Variants in STAM2 observed in about 807,000 individuals in gnomAD.
STAM2 encodes the protein signal transducing adapter molecule 2.
Under a neutral mutation model 65.6 loss-of-function variants are expected in STAM2, and 51 were observed. The ratio of observed to expected loss-of-function variants is 0.78; its 90% confidence interval spans 0.62 to 0.98. The LOEUF (loss-of-function observed/expected upper bound fraction) is 0.98, where lower values mean the gene tolerates loss of function less well. Among genes scored for constraint, STAM2 ranks in the 50% least tolerant of loss-of-function variants. The pLI is 0.00. For missense variants in STAM2, 584 were observed against 617.8 expected (o/e 0.95, Z 0.58); for synonymous variants, 198 against 208.4 (o/e 0.95, Z 0.43).
At chr2:152,163,494 G>A (rs1689722166) in intron 1 of STAM2, among the ~76,000 whole-genome samples, 1 of 142,178 alleles carries the variant, frequency 7.0e-6, no homozygotes, top group Non-Finnish European at 1.5e-5. Context: ...TAATAAATCT[G>A]ATTGTAAAAC....
At chr2:152,163,721 A>T (rs781679490) in intron 1 of STAM2, among the ~76,000 whole-genome samples, 3 of 152,078 alleles carry the variant, frequency 2.0e-5, no homozygotes, top group Non-Finnish European at 4.4e-5. Context: ...AAATATTAAG[A>T]CCCTAGGAAA....
At chr2:152,150,313 A>G in intron 1 of STAM2, 84 bp from the exon 2 acceptor site, 2 of 855,082 alleles carry the variant, frequency 2.3e-6, no homozygotes, top group Non-Finnish European at 3.7e-6. Flanking sequence ...CAGTTAAGAA[A>G]TCCTACCTTT....
At chr2:152,157,520 G>T (rs1228793178) in intron 1 of STAM2, among the ~76,000 whole-genome samples, 2 of 152,188 alleles carry the variant, frequency 1.3e-5, no homozygotes, top group African/African-American at 4.8e-5. Flanking sequence ...GCAAGGAAAA[G>T]CCATATGAGG....
At chr2:152,162,082 C>T (rs900467901) in intron 1 of STAM2, among the ~76,000 whole-genome samples, 1 of 152,148 alleles carries the variant, frequency 6.6e-6, no homozygotes, top group African/African-American at 2.4e-5. Context: ...CTTGGCCTCC[C>T]AAAGTGCTGG....
At chr2:152,126,613 G>C (rs1272667115) in intron 11 of STAM2, among the ~76,000 whole-genome samples, 1 of 152,110 alleles carries the variant, frequency 6.6e-6, no homozygotes, top group African/African-American at 2.4e-5. Flanking sequence ...ATCTAAGGCT[G>C]ATTTTCAAGC....
At chr2:152,137,426 C>CT (rs958994424) in intron 7 of STAM2, among the ~76,000 whole-genome samples, 12 of 152,002 alleles carry the variant, frequency 7.9e-5, no homozygotes, top group Admixed American at 2.0e-4. Context: ...TGTAAACTGC[C>CT]TTTTTTTTCG....
At chr2:152,165,894 G>C (rs897455718) in intron 1 of STAM2, among the ~76,000 whole-genome samples, 20 of 152,168 alleles carry the variant, frequency 1.3e-4, no homozygotes, top group Admixed American at 3.3e-4. Context: ...GAGTTATCAA[G>C]TAAATGCACA....
intron 8 of STAM2, among the ~76,000 whole-genome samples, chr2:152,134,582 A>G (rs769854203): frequency 1.3e-5 from 2 of 152,168 alleles, no homozygotes; most frequent in Non-Finnish European, 2.9e-5. Flanking sequence ...ACTGGCAAGG[A>G]CTAGCACTGA....
At chr2:152,171,229 T>C (rs1689893545) in intron 1 of STAM2, among the ~76,000 whole-genome samples, 1 of 152,084 alleles carries the variant, frequency 6.6e-6, no homozygotes. Flanking sequence ...TGTTCCTTTC[T>C]TAAAAAAAAA....
At position 152,119,996 on chromosome 2, in the gene STAM2, G is replaced by A. The variant is rs902326600; in HGVS notation, c.*578C>T. 6 of 152,774 alleles carry A rather than the reference G, an allele frequency of 3.9e-5. No individual in the cohort carries two copies. Among genetic ancestry groups the A allele is most frequent in the African/African-American group, 1.4e-4 (6 of 41,408 alleles). 9.5% of individuals were successfully genotyped at this position (152,774 alleles called of 1,614,324 possible). A position where few individuals can be genotyped will look rare whatever the true frequency, so the allele number is the denominator to read the frequency against. On this transcript the variant is annotated 3_prime_UTR_variant, in exon 14 of 14. Transcript: ENST00000263904. ...TGCAAACACAACCGCAATTTAAGGA[G>A]CCAAAAAGAAATATGCTGGCAAGCT... is the stretch of plus-strand genomic sequence containing the variant.
At chr2:152,172,582 G>A (rs1013646028) in intron 1 of STAM2, among the ~76,000 whole-genome samples, 2 of 152,056 alleles carry the variant, frequency 1.3e-5, no homozygotes, top group Non-Finnish European at 2.9e-5. Flanking sequence ...AGAAGGGGGG[G>A]AGGAGGCTGG....
At chr2:152,159,863 C>T (rs760603324) in intron 1 of STAM2, among the ~76,000 whole-genome samples, 8 of 152,230 alleles carry the variant, frequency 5.3e-5, no homozygotes, top group African/African-American at 7.2e-5. Context: ...CCAGTGCCTG[C>T]GATTGCAGGC....
rs1350200549 is a variant in STAM2, at chr2:152,118,251, C to T, written c.*2323G>A. On this transcript the variant is annotated 3_prime_UTR_variant, in exon 14 of 14. Transcript: ENST00000263904. Reference sequence around the variant, plus strand: ...TTAATATAAATAGAATCCATAAGCCCATAAAAAGGGAAGTACACAACCCTG... The same window carrying T: ...TTAATATAAATAGAATCCATAAGCCTATAAAAAGGGAAGTACACAACCCTG... 1.3e-5 allele frequency: 2 copies of T among 151,638 alleles called. No homozygotes were observed. Among genetic ancestry groups the T allele is most frequent in the Admixed American group, 6.6e-5 (1 of 15,220 alleles). The allele number at this position is 151,638 out of a possible 1,614,324, so 9.4% of individuals were successfully genotyped here.
At chr2:152,166,727 G>C (rs1014102811) in intron 1 of STAM2, among the ~76,000 whole-genome samples, 3 of 152,054 alleles carry the variant, frequency 2.0e-5, no homozygotes, top group Admixed American at 2.0e-4. Flanking sequence ...TAGTACTGCT[G>C]GGGACAAACC....
chr2:152,122,407 A>G (rs917952173), intron 13 of STAM2, among the ~76,000 whole-genome samples: 13 of 152,180 alleles, frequency 8.5e-5, no homozygotes, highest in African/African-American at 2.9e-4. Context: ...CCTGGGTGAT[A>G]AAACCCCATC....
intron 1 of STAM2, among the ~76,000 whole-genome samples, chr2:152,152,522 C>CT (rs1689464601): frequency 6.6e-6 from 1 of 151,436 alleles, no homozygotes; most frequent in Non-Finnish European, 1.5e-5. Flanking sequence ...GCACTCTAGC[C>CT]TGGGTGACAG....
At chr2:152,164,393 G>A (rs888545855) in intron 1 of STAM2, among the ~76,000 whole-genome samples, 2 of 150,864 alleles carry the variant, frequency 1.3e-5, no homozygotes, top group Non-Finnish European at 2.9e-5. Flanking sequence ...CCAGGCTGGA[G>A]TGCAATGGCA....
At chr2:152,123,528 C>T (rs1688899946) in intron 13 of STAM2, among the ~76,000 whole-genome samples, 1 of 152,168 alleles carries the variant, frequency 6.6e-6, no homozygotes, top group African/African-American at 2.4e-5. Flanking sequence ...GTGCTAAGCA[C>T]ATCATGGGCT....
chr2:152,170,614 G>C (rs545690088), intron 1 of STAM2, among the ~76,000 whole-genome samples: 1 of 152,198 alleles, frequency 6.6e-6, no homozygotes, highest in African/African-American at 2.4e-5. Context: ...AACAGATAAT[G>C]CATATTCATA....
Sources: gnomAD v4.1 joint callset for allele counts (sites outside exome capture counted in the v4.1 genomes callset) on GRCh38, gnomAD v4.1.1 for gene constraint, MANE v1.5 for transcripts, NCBI Gene and HGNC (gene_info 2026-07-23, HGNC 2026-07-21) for gene names.